CFAP47: variants seen among roughly 807,000 people sequenced by gnomAD.
CFAP47 encodes the protein cilia and flagella associated protein 47.
Under a neutral mutation model 148.1 loss-of-function variants are expected in CFAP47, and 29 were observed. That is an observed-to-expected ratio of 0.20 (90% CI 0.15 to 0.27). The LOEUF is 0.27. Among genes scored for constraint, CFAP47 ranks in the 10% least tolerant of loss-of-function variants. The probability of loss-of-function intolerance (pLI) is 1.00; values close to 1 mark genes in which losing one functional copy is unlikely to be tolerated. For synonymous variants in CFAP47, 664 were observed against 577.3 expected, an observed-to-expected ratio of 1.15 and a Z score of -2.15; for missense variants, 1,872 against 1,697.5, an observed-to-expected ratio of 1.10 and a Z score of -1.81.
chrX:36,374,657 A>G (rs900970439), intron 62 of CFAP47: 9 of 298,399 alleles, frequency 3.0e-5, no homozygotes, highest in Non-Finnish European at 4.6e-5. Flanking sequence ...GTAGATATTT[A>G]TCATTATAAG....
At chrX:36,067,844 T>C (rs1937667878) in intron 27 of CFAP47, among the ~76,000 whole-genome samples, 1 of 109,641 alleles carries the variant, frequency 9.1e-6, no homozygotes, top group Non-Finnish European at 1.9e-5. Context: ...TTTGTATTTT[T>C]AGTAGAGACG....
Position 36,071,449 on chromosome X carries a change from A to G in CFAP47, c.4319-376A>G, listed in dbSNP as rs185208221. 3.4e-3 allele frequency among the ~76,000 whole-genome samples: 384 copies of G among 112,276 alleles called. 4 individuals carry two copies. The highest frequency in any genetic ancestry group is 0.012 in the African/African-American group (362 of 30,945). On this transcript the variant is annotated intron_variant, in intron 27 of 63. Coordinates refer to ENST00000378653, the MANE Select transcript of CFAP47 (RefSeq NM_001304548.2). ...TAGTTTTTCTGGTGACTCTTTTCCT[A>G]TATCTTATTTTGAACAGCGTATGTA... is the stretch of plus-strand genomic sequence containing the variant.
At chrX:36,203,850 T>C (rs1439752747) in intron 44 of CFAP47, among the ~76,000 whole-genome samples, 2 of 111,960 alleles carry the variant, frequency 1.8e-5, no homozygotes, top group Non-Finnish European at 3.8e-5. Flanking sequence ...CCCATTATCA[T>C]TGTAATCATT....
At chrX:36,022,500 T>A (rs1480629983) in intron 22 of CFAP47, among the ~76,000 whole-genome samples, 1 of 110,894 alleles carries the variant, frequency 9.0e-6, no homozygotes, top group African/African-American at 3.3e-5. Flanking sequence ...AACTTGGATA[T>A]CTATATATCT....
Position 35,956,072 on chromosome X carries a change from G to T in CFAP47, c.1286G>T (p.Arg429Leu). ...TTTAAACCTTGTTTCATGGGTGAAC[G>T]TTCAGAAATTCAGTGCATCATAAAA... ...LNFKPCFMGE[R>L]SEIQCIIKNQ... The change falls in exon 8 of 64, where the codon CGT becomes CTT. Residue 429 changes from arginine to leucine, a missense_variant. Transcript: ENST00000378653. The T allele has an allele frequency of 8.3e-7, 1 of 1,210,930 alleles. No individual in the cohort carries two copies. The highest frequency in any genetic ancestry group is 1.1e-6 in the Non-Finnish European group (1 of 894,955).
rs1422230922 is a variant in CFAP47, at chrX:35,919,961, C to T, written c.162C>T (p.Ala54=). Reference sequence around the variant, plus strand: ...AGGTGAAGTTCCTGGACACGATGGCCGGGAGGGTGTACCGCCTCCCGATTA... The same window carrying T: ...AGGTGAAGTTCCTGGACACGATGGCTGGGAGGGTGTACCGCCTCCCGATTA... ...PAEVKFLDTM[A]GRVYRLPITV... Residue 54 remains alanine (A), a synonymous_variant, in exon 1 of 64, where the codon GCC becomes GCT. Coordinates refer to ENST00000378653, the MANE Select transcript of CFAP47 (RefSeq NM_001304548.2). 6.6e-6 allele frequency: 8 copies of T among 1,208,250 alleles called. No homozygotes were observed. The Admixed American group carries it at 1.1e-4, about 17-fold the overall frequency.
At chrX:36,248,871 A>T (rs782820099) in intron 48 of CFAP47, among the ~76,000 whole-genome samples, 1 of 110,976 alleles carries the variant, frequency 9.0e-6, no homozygotes, top group South Asian at 3.7e-4. Flanking sequence ...AGAAGTCAAA[A>T]ATGGAAATAA....
intron 52 of CFAP47, among the ~76,000 whole-genome samples, chrX:36,300,294 A>ATTT (rs11393119): frequency 9.9e-6 from 1 of 100,697 alleles, no homozygotes; most frequent in African/African-American, 3.7e-5. Context: ...AGTTATACTT[A>ATTT]TTTTTTTTTT....
intron 58 of CFAP47, among the ~76,000 whole-genome samples, 155 bp downstream of exon 58, chrX:36,348,443 A>G (rs962005070): frequency 2.7e-5 from 3 of 110,755 alleles, no homozygotes; most frequent in African/African-American, 6.5e-5. Flanking sequence ...GGAGGAAAAT[A>G]TATTTGTCAT....
At chrX:36,244,713 T>C (rs1819653493) in intron 48 of CFAP47, among the ~76,000 whole-genome samples, 1 of 111,069 alleles carries the variant, frequency 9.0e-6, no homozygotes, top group Admixed American at 9.6e-5. Flanking sequence ...TAATAACATG[T>C]TCCAAAATTG....
chrX:36,117,456 G>A (rs1171697393), intron 33 of CFAP47, among the ~76,000 whole-genome samples: 5 of 111,975 alleles, frequency 4.5e-5, no homozygotes, highest in African/African-American at 1.6e-4. Context: ...TTTAACTGGG[G>A]TGAGATGATG....
At chrX:35,924,543 C>A (rs144378307) in intron 1 of CFAP47, among the ~76,000 whole-genome samples, 2,026 of 100,210 alleles carry the variant, frequency 0.02, 78 homozygotes, top group African/African-American at 0.074. Context: ...ATATGTGCAC[C>A]TATATGTGTA....
At position 36,145,276 on chromosome X, in the gene CFAP47, T is replaced by C. The variant is rs1310246217; in HGVS notation, c.5593T>C (p.Tyr1865His). Residue 1865 changes from tyrosine (Y) to histidine (H), a missense_variant, in exon 36 of 64, where the codon TAT becomes CAT. Tyr to His is a moderately conservative substitution (Grantham distance 83, BLOSUM62 2). Coordinates refer to ENST00000378653, the MANE Select transcript of CFAP47 (RefSeq NM_001304548.2). ...ILMLMLCVYM[Y>H]ERLPTYLPKK... Reference sequence around the variant, plus strand: ...GATGCTCATGCTTTGTGTCTACATGTATGAAAGACTCCCTACATATCTCCC... The same window carrying C: ...GATGCTCATGCTTTGTGTCTACATGCATGAAAGACTCCCTACATATCTCCC... The C allele has an allele frequency of 3.3e-6, 1 of 299,179 alleles. No homozygotes were observed. The highest frequency in any genetic ancestry group is 5.8e-6 in the Non-Finnish European group (1 of 172,189). The allele number at this position is 299,179 out of a possible 1,213,427, so 24.7% of individuals were successfully genotyped here.
chrX:35,979,152 A>AT (rs1163786271), intron 15 of CFAP47, among the ~76,000 whole-genome samples: 6 of 109,625 alleles, frequency 5.5e-5, no homozygotes, highest in African/African-American at 2.0e-4. Flanking sequence ...CTAATTTTGT[A>AT]TTTTTTAGTA....
At chrX:36,227,995 T>C (rs1940290288) in intron 45 of CFAP47, among the ~76,000 whole-genome samples, 1 of 111,661 alleles carries the variant, frequency 9.0e-6, no homozygotes, top group Admixed American at 9.6e-5. Flanking sequence ...AAGGTAAATG[T>C]TGTAACGGGG....
intron 21 of CFAP47, among the ~76,000 whole-genome samples, chrX:36,004,149 A>AT (rs1278026308): frequency 1.9e-5 from 2 of 106,516 alleles, no homozygotes; most frequent in African/African-American, 6.8e-5. Context: ...ATTTTTGTAT[A>AT]TTTTTTTAGT....
At chrX:36,305,939 A>AGTTTGC (rs1259329736) in intron 54 of CFAP47, among the ~76,000 whole-genome samples, 10 of 111,989 alleles carry the variant, frequency 8.9e-5, no homozygotes, top group African/African-American at 3.2e-4. Context: ...TATAAAATTT[A>AGTTTGC]GTTTGCATTT....
In CFAP47 at chrX:36,262,896, G is replaced by A. The variant is rs782427517; in HGVS notation, c.7444+11452G>A. On this transcript the variant is annotated intron_variant, in intron 49 of 63. Coordinates refer to ENST00000378653, the MANE Select transcript of CFAP47 (RefSeq NM_001304548.2). ...AGCATTTGTTATTGCCTGCCTTTTG[G>A]ATATAAGCCATGTTGCCTGGGGTGA... Among the ~76,000 whole-genome samples, 11 of 111,834 alleles carry A rather than the reference G, an allele frequency of 9.8e-5. No individual in the cohort carries two copies. The South Asian group carries it at 4.1e-3, about 42-fold the overall frequency.
At chrX:36,059,071 C>T (rs1223247312) in intron 26 of CFAP47, among the ~76,000 whole-genome samples, 1 of 112,101 alleles carries the variant, frequency 8.9e-6, no homozygotes, top group Non-Finnish European at 1.9e-5. Flanking sequence ...TAACATTACA[C>T]GGAGTTAATG....
Sources: allele counts gnomAD v4.1 joint callset (sites outside exome capture counted in the v4.1 genomes callset), GRCh38; gene constraint gnomAD v4.1.1; transcripts MANE v1.5; gene names NCBI Gene and HGNC (gene_info 2026-07-23, HGNC 2026-07-21).